Variants in ASIC2 observed in about 807,000 individuals in gnomAD.
The protein encoded by ASIC2 is acid-sensing ion channel 2.
In ASIC2, 25 loss-of-function variants were observed where a neutral mutation model predicts 57.3. The observed-to-expected ratio is 0.44, with a 90% CI of 0.32 to 0.61. ASIC2 has a LOEUF of 0.61. Among genes scored for constraint, ASIC2 ranks in the 20% least tolerant of loss-of-function variants. ASIC2 has a pLI of 0.06. For synonymous variants in ASIC2, 319 were observed against 307.5 expected (o/e 1.04, Z -0.39); for missense variants, 641 against 738.1 (o/e 0.87, Z 1.52).
At chr17:33,693,954 TG>T (rs1908450982) in intron 1 of ASIC2, among the ~76,000 whole-genome samples, 1 of 152,220 alleles carries the variant, frequency 6.6e-6, no homozygotes, top group Admixed American at 6.5e-5. Flanking sequence ...CAATCATGTT[TG>T]CACGTTTTTA....
chr17:34,119,053 T>C (rs1320755546), intron 1 of ASIC2, among the ~76,000 whole-genome samples: 1 of 152,210 alleles, frequency 6.6e-6, no homozygotes, highest in African/African-American at 2.4e-5. Flanking sequence ...AAACGGTTCA[T>C]CCTATAAGCT....
intron 1 of ASIC2, among the ~76,000 whole-genome samples, chr17:33,118,608 A>G (rs554522336): frequency 1.3e-5 from 2 of 152,260 alleles, no homozygotes; most frequent in Non-Finnish European, 2.9e-5. Context: ...GGCACATCTC[A>G]GAGTCAGAGG....
At chr17:33,709,721 C>T (rs568406681) in intron 1 of ASIC2, among the ~76,000 whole-genome samples, 1 of 152,282 alleles carries the variant, frequency 6.6e-6, no homozygotes, top group Non-Finnish European at 1.5e-5. Flanking sequence ...ATTTAATTTG[C>T]AGTAGCTTTT....
chr17:33,539,660 C>T lies in ASIC2; in HGVS notation c.556-427593G>A, dbSNP rs543678839. Among the ~76,000 whole-genome samples, 101 of 152,314 alleles carry T rather than the reference C, an allele frequency of 6.6e-4. 1 individual carries two copies. The highest frequency in any genetic ancestry group is 9.8e-4 in the Non-Finnish European group (67 of 68,024). ...CTGGGGCCTCATGGCTCGTGCAGCA[C>T]GTTCACAATTGCTCTCTCATTTGAT... On this transcript the variant is annotated intron_variant, in intron 1 of 9. Transcript: ENST00000359872.
intron 1 of ASIC2, among the ~76,000 whole-genome samples, chr17:33,779,478 T>G (rs927925253): frequency 6.6e-6 from 1 of 152,190 alleles, no homozygotes; most frequent in African/African-American, 2.4e-5. Flanking sequence ...CTTAATCAGT[T>G]CAGTTAGATA....
chr17:33,595,722 C>T (rs1904959939), intron 1 of ASIC2, among the ~76,000 whole-genome samples: 1 of 152,256 alleles, frequency 6.6e-6, no homozygotes, highest in Admixed American at 6.5e-5. Context: ...GGAATAAACA[C>T]ATCTGCCTTG....
At chr17:34,088,505 G>T (rs1284790285) in intron 1 of ASIC2, among the ~76,000 whole-genome samples, 1 of 152,238 alleles carries the variant, frequency 6.6e-6, no homozygotes, top group Non-Finnish European at 1.5e-5. Context: ...CACTTGAGGA[G>T]GCAGTCTGCC....
At chr17:33,869,722 G>T (rs1638939055) in intron 1 of ASIC2, among the ~76,000 whole-genome samples, 1 of 152,230 alleles carries the variant, frequency 6.6e-6, no homozygotes, top group South Asian at 2.1e-4. Flanking sequence ...ATTAATGGTT[G>T]CCTATGGCTA....
At chr17:33,717,053 C>T (rs868037659) in intron 1 of ASIC2, among the ~76,000 whole-genome samples, 1 of 152,180 alleles carries the variant, frequency 6.6e-6, no homozygotes, top group South Asian at 2.1e-4. Flanking sequence ...CTAAACTTAA[C>T]AACCTCTGCC....
intron 1 of ASIC2, among the ~76,000 whole-genome samples, chr17:33,231,614 C>A (rs544637908): frequency 1.3e-5 from 2 of 152,266 alleles, no homozygotes; most frequent in South Asian, 2.1e-4. Context: ...TCCAAACTGA[C>A]CCTTAGGTGC....
At chr17:33,639,725 G>A (rs1322615452) in intron 1 of ASIC2, among the ~76,000 whole-genome samples, 1 of 132,892 alleles carries the variant, frequency 7.5e-6, no homozygotes, top group Non-Finnish European at 1.6e-5. Flanking sequence ...TCTTCCCTTT[G>A]CCCCATACTA....
chr17:33,835,957 C>T (rs894367698), intron 1 of ASIC2, among the ~76,000 whole-genome samples: 8 of 150,406 alleles, frequency 5.3e-5, no homozygotes, highest in African/African-American at 2.0e-4. Context: ...ATATGAAATA[C>T]TAATTATATA....
intron 1 of ASIC2, among the ~76,000 whole-genome samples, chr17:33,506,369 G>A (rs1350012877): frequency 6.6e-6 from 1 of 150,950 alleles, no homozygotes; most frequent in Non-Finnish European, 1.5e-5. Context: ...GCCAAGATCT[G>A]GCCACTGCAC....
intron 1 of ASIC2, among the ~76,000 whole-genome samples, chr17:33,187,441 A>G (rs1039332521): frequency 6.6e-6 from 1 of 152,204 alleles, no homozygotes; most frequent in African/African-American, 2.4e-5. Flanking sequence ...TTTTTACACT[A>G]TAGGAACAAA....
At chr17:33,784,211 T>C (rs1294738126) in intron 1 of ASIC2, among the ~76,000 whole-genome samples, 1 of 152,226 alleles carries the variant, frequency 6.6e-6, no homozygotes, top group Non-Finnish European at 1.5e-5. Flanking sequence ...GTCCTGTTTT[T>C]TCATCTGAAA....
intron 1 of ASIC2, among the ~76,000 whole-genome samples, chr17:33,288,715 GACAC>G (rs56013728): frequency 0.025 from 3,600 of 143,478 alleles, 66 homozygotes; most frequent in East Asian, 0.061. Context: ...AGCTCTCTCT[GACAC>G]ACACACACAC....
chr17:33,950,849 T>A (rs1311845408), intron 1 of ASIC2, among the ~76,000 whole-genome samples: 1 of 152,200 alleles, frequency 6.6e-6, no homozygotes, highest in Non-Finnish European at 1.5e-5. Flanking sequence ...ACTTTCTTTT[T>A]GGGAAAAAGC....
chr17:34,095,920 C>A (rs1247810040), intron 1 of ASIC2, among the ~76,000 whole-genome samples: 2 of 151,498 alleles, frequency 1.3e-5, no homozygotes, highest in South Asian at 2.1e-4. Context: ...TTCAATCAAC[C>A]CTGAAACCAA....
intron 1 of ASIC2, among the ~76,000 whole-genome samples, chr17:33,377,817 G>T (rs1326871464): frequency 6.6e-6 from 1 of 152,214 alleles, no homozygotes; most frequent in Non-Finnish European, 1.5e-5. Flanking sequence ...CAGTTCAGAT[G>T]CTGGCACCTT....
Sources: gnomAD v4.1 joint callset for allele counts (sites outside exome capture counted in the v4.1 genomes callset) on GRCh38, gnomAD v4.1.1 for gene constraint, MANE v1.5 for transcripts, NCBI Gene and HGNC (gene_info 2026-07-23, HGNC 2026-07-21) for gene names.